Variants in KICS2 observed in about 807,000 individuals in gnomAD.
KICS2 encodes the protein KICSTOR complex protein C12orf66.
A neutral mutation model predicts 31.4 loss-of-function variants in KICS2; 13 were observed. The observed-to-expected ratio is 0.41, with a 90% CI of 0.27 to 0.66. The LOEUF (loss-of-function observed/expected upper bound fraction) is 0.66, where lower values mean the gene tolerates loss of function less well. Among genes scored for constraint, KICS2 ranks in the 30% least tolerant of loss-of-function variants. The pLI is 0.28. For synonymous variants in KICS2, 209 were observed against 214.8 expected (o/e 0.97, Z 0.24); for missense variants, 455 against 545.4 (o/e 0.83, Z 1.65).
chr12:64,222,084 G>A lies in KICS2; in HGVS notation c.154C>T (p.Leu52=), dbSNP rs377745337. The A allele has an allele frequency of 8.7e-6, 14 of 1,613,866 alleles. No homozygotes were observed. Among genetic ancestry groups the A allele is most frequent in the South Asian group, 1.1e-5 (1 of 91,068 alleles). ...EANKSAGGSW[L]SLLAALAHLA... ...TGCGCCAAGGCCGCCAGCAGCGACAGCCAGCTGCCCCCCGCGCTCTTGTTG... is the reference window on the plus strand; with the variant it reads ...TGCGCCAAGGCCGCCAGCAGCGACAACCAGCTGCCCCCCGCGCTCTTGTTG... The change falls in exon 1 of 3, where the codon CTG becomes TTG. Residue 52 remains leucine, a synonymous_variant. Coordinates refer to ENST00000398055, the MANE Select transcript of KICS2 (RefSeq NM_152440.5).
intron 2 of KICS2, among the ~76,000 whole-genome samples, chr12:64,206,752 C>A (rs1018951623): frequency 1.6e-4 from 25 of 152,152 alleles, no homozygotes. Context: ...ATAGGTGAAT[C>A]TCAAGGACAT....
intron 1 of KICS2, among the ~76,000 whole-genome samples, chr12:64,220,891 T>C (rs1303475779): frequency 6.6e-6 from 1 of 152,006 alleles, no homozygotes; most frequent in African/African-American, 2.4e-5. Context: ...TTGTGAGAAA[T>C]GCCATTGTAA....
Position 64,193,374 on chromosome 12 carries a change from T to C in KICS2, c.*468A>G. 2.0e-6 allele frequency: 2 copies of C among 986,074 alleles called. No homozygotes were observed. The highest frequency in any genetic ancestry group is 2.4e-6 in the Non-Finnish European group (2 of 830,372). The allele number at this position is 986,074 out of a possible 1,614,324, so 61.1% of individuals were successfully genotyped here. A position where few individuals can be genotyped will look rare whatever the true frequency, so the allele number is the denominator to read the frequency against. On this transcript the variant is annotated 3_prime_UTR_variant, in exon 3 of 3. Coordinates refer to ENST00000398055, the MANE Select transcript of KICS2 (RefSeq NM_152440.5). The stretch of plus-strand genomic sequence containing the variant: ...CAGAATCATAAATCTACTAACTCCA[T>C]ATTCATTTGCTAATTTATGAGACAG...
chr12:64,205,564 TAAC>T (rs1397433399), intron 2 of KICS2, among the ~76,000 whole-genome samples: 1 of 134,110 alleles, frequency 7.5e-6, no homozygotes, highest in East Asian at 2.2e-4. Context: ...CAGAATAAAT[TAAC>T]AACTATTTGC....
intron 2 of KICS2, among the ~76,000 whole-genome samples, chr12:64,195,650 C>G (rs113152602): frequency 3.3e-5 from 5 of 152,206 alleles, no homozygotes; most frequent in Non-Finnish European, 7.3e-5. Context: ...GCATGAGCAA[C>G]GCAGAAGACG....
At chr12:64,195,502 T>C (rs1188635971) in intron 2 of KICS2, among the ~76,000 whole-genome samples, 2 of 152,158 alleles carry the variant, frequency 1.3e-5, no homozygotes, top group Admixed American at 6.5e-5. Flanking sequence ...ATTAAAGAAA[T>C]AGAGCATTTA....
At chr12:64,218,545 T>TTTTTAA (rs1222754857) in intron 1 of KICS2, among the ~76,000 whole-genome samples, 1 of 152,212 alleles carries the variant, frequency 6.6e-6, no homozygotes, top group Non-Finnish European at 1.5e-5. Context: ...TTAAAACTCC[T>TTTTTAA]AATAATAATA....
At chr12:64,189,249 T>C (rs991966665), downstream of KICS2, among the ~76,000 whole-genome samples, 3 of 152,182 alleles carry the variant, frequency 2.0e-5, no homozygotes, top group African/African-American at 4.8e-5. Context: ...AGGTACTAAA[T>C]AGTTGGAGGT....
rs1201970102 is a variant in KICS2, at chr12:64,191,628, T to C, written c.*2214A>G. 6.6e-6 allele frequency: 1 copy of C among 152,206 alleles called. No homozygotes were observed. Among genetic ancestry groups the C allele is most frequent in the Non-Finnish European group, 1.5e-5 (1 of 68,034 alleles). The allele number at this position is 152,206 out of a possible 1,614,324, so 9.4% of individuals were successfully genotyped here. A position where few individuals can be genotyped will look rare whatever the true frequency, so the allele number is the denominator to read the frequency against. On this transcript the variant is annotated 3_prime_UTR_variant, in exon 3 of 3. Coordinates refer to ENST00000398055, the MANE Select transcript of KICS2 (RefSeq NM_152440.5). Reference sequence around the variant, plus strand: ...AGGAAAAGTGATTTGACTTTTTAGCTCCAATTGCTTTCAATTTCTTAGGTA... The same window carrying C: ...AGGAAAAGTGATTTGACTTTTTAGCCCCAATTGCTTTCAATTTCTTAGGTA...
chr12:64,211,004 A>C (rs1224310039), intron 2 of KICS2, among the ~76,000 whole-genome samples: 1 of 152,140 alleles, frequency 6.6e-6, no homozygotes, highest in Admixed American at 6.5e-5. Context: ...TTCTGGGCAC[A>C]CTAAATTTTA....
Position 64,193,084 on chromosome 12 carries a change from G to T in KICS2, c.*758C>A. ...CAGAAAGCGAAGCGGATAATATGCTGAAGAATGAAGAAAGCCCACATGATG... is the reference window on the plus strand; with the variant it reads ...CAGAAAGCGAAGCGGATAATATGCTTAAGAATGAAGAAAGCCCACATGATG... On this transcript the variant is annotated 3_prime_UTR_variant, in exon 3 of 3. Coordinates refer to ENST00000398055, the MANE Select transcript of KICS2 (RefSeq NM_152440.5). 1.0e-6 allele frequency: 1 copy of T among 985,412 alleles called. No homozygotes were observed. Among genetic ancestry groups the T allele is most frequent in the Non-Finnish European group, 1.2e-6 (1 of 829,918 alleles). 61.0% of individuals were successfully genotyped at this position (985,412 alleles called of 1,614,324 possible). A position where few individuals can be genotyped will look rare whatever the true frequency, so the allele number is the denominator to read the frequency against.
At chr12:64,216,490 T>G (rs1159449797) in intron 1 of KICS2, among the ~76,000 whole-genome samples, 1 of 152,202 alleles carries the variant, frequency 6.6e-6, no homozygotes, top group Non-Finnish European at 1.5e-5. Flanking sequence ...GAATCTAATC[T>G]TTTAGATCAT....
At chr12:64,220,540 A>T (rs1352344433) in intron 1 of KICS2, among the ~76,000 whole-genome samples, 1 of 145,940 alleles carries the variant, frequency 6.9e-6, no homozygotes, top group African/African-American at 2.5e-5. Flanking sequence ...ATAAGTTAAT[A>T]AAAAAAAAAA....
chr12:64,192,850 G>T lies in KICS2; in HGVS notation c.*992C>A. 1.0e-6 allele frequency: 1 copy of T among 985,424 alleles called. No individual in the cohort carries two copies. The highest frequency in any genetic ancestry group is 1.2e-6 in the Non-Finnish European group (1 of 829,934). The allele number at this position is 985,424 out of a possible 1,614,324, so 61.0% of individuals were successfully genotyped here. ...AAGTTCAGAAGTGCTTAAGTACTGA[G>T]GTGATTACTCAACTATGAAGAGGTC... On this transcript the variant is annotated 3_prime_UTR_variant, in exon 3 of 3. Coordinates refer to ENST00000398055, the MANE Select transcript of KICS2 (RefSeq NM_152440.5).
chr12:64,203,769 A>C (rs1270288379), intron 2 of KICS2, among the ~76,000 whole-genome samples: 9 of 152,242 alleles, frequency 5.9e-5, no homozygotes, highest in Admixed American at 5.9e-4. Flanking sequence ...TGGACATTAT[A>C]AGAGAGAAAC....
chr12:64,196,255 G>A (rs1592379804), intron 2 of KICS2, among the ~76,000 whole-genome samples: 1 of 149,618 alleles, frequency 6.7e-6, no homozygotes, highest in African/African-American at 2.5e-5. Flanking sequence ...GGAGATCTGA[G>A]AACCGGCAGA....
At position 64,192,051 on chromosome 12, in the gene KICS2, A is replaced by C. The variant is rs1313200265; in HGVS notation, c.*1791T>G. 6.7e-6 allele frequency: 1 copy of C among 149,004 alleles called. No homozygotes were observed. Among genetic ancestry groups the C allele is most frequent in the African/African-American group, 2.6e-5 (1 of 39,188 alleles). The allele number at this position is 149,004 out of a possible 1,614,324, so 9.2% of individuals were successfully genotyped here. ...ACAGACAAGACCCTGTCTCAAAAAA[A>C]AAAAAAAAAAAAAAGGAAAAACACA... On this transcript the variant is annotated 3_prime_UTR_variant, in exon 3 of 3. Coordinates refer to ENST00000398055, the MANE Select transcript of KICS2 (RefSeq NM_152440.5).
chr12:64,198,852 A>G (rs1381659063), intron 2 of KICS2, among the ~76,000 whole-genome samples: 1 of 151,272 alleles, frequency 6.6e-6, no homozygotes, highest in Non-Finnish European at 1.5e-5. Context: ...GAAAATCTAG[A>G]CGAAATGGAT....
intron 2 of KICS2, among the ~76,000 whole-genome samples, chr12:64,204,256 G>T (rs775564288): frequency 6.6e-6 from 1 of 152,168 alleles, no homozygotes; most frequent in African/African-American, 2.4e-5. Context: ...GTTAATGCAT[G>T]CTGGGCTTAA....
Sources: allele counts gnomAD v4.1 joint callset (sites outside exome capture counted in the v4.1 genomes callset), GRCh38; gene constraint gnomAD v4.1.1; transcripts MANE v1.5; gene names NCBI Gene and HGNC (gene_info 2026-07-23, HGNC 2026-07-21).